The following BAZ2B variants were observed in gnomAD, a reference collection of about 807,000 sequenced individuals.
BAZ2B encodes the protein bromodomain adjacent to zinc finger domain 2B, also known as bromodomain adjacent to zinc finger domain protein 2B.
In BAZ2B, 91 loss-of-function variants were observed where a neutral mutation model predicts 246.0. That is an observed-to-expected ratio of 0.37 (90% CI 0.31 to 0.44). The LOEUF (loss-of-function observed/expected upper bound fraction) is 0.44, where lower values mean the gene tolerates loss of function less well. Among genes scored for constraint, BAZ2B ranks in the 20% least tolerant of loss-of-function variants. The pLI, the probability that BAZ2B is intolerant of heterozygous loss-of-function variation, is 1.00. For synonymous variants in BAZ2B, 855 were observed against 860.0 expected (o/e 0.99, Z 0.10); for missense variants, 2,332 against 2,533.7 (o/e 0.92, Z 1.71).
At chr2:159,695,300 A>G in the BAZ2B span, 3 of 152,000 alleles carry the variant, frequency 2.0e-5, no homozygotes, top group Admixed American at 2.0e-4. Context: ...CTCACATTCT[A>G]TGTGTTGTCT....
At chr2:159,474,962 G>A (rs957465153) in intron 3 of BAZ2B, among the ~76,000 whole-genome samples, 16 of 152,140 alleles carry the variant, frequency 1.1e-4, no homozygotes, top group African/African-American at 3.9e-4. Flanking sequence ...TGGGTAACCC[G>A]ACCTTTCTCT....
chr2:159,561,759 A>G (rs544671155), intron 1 of BAZ2B, among the ~76,000 whole-genome samples: 40 of 152,364 alleles, frequency 2.6e-4, no homozygotes, highest in Admixed American at 8.5e-4. Flanking sequence ...AACTGGAAAA[A>G]GAAAACCTCA....
upstream of BAZ2B, among the ~76,000 whole-genome samples, chr2:159,618,754 A>T (rs1278561525): frequency 1.3e-5 from 2 of 152,152 alleles, no homozygotes; most frequent in African/African-American, 4.8e-5. Flanking sequence ...TTTTGAAAAG[A>T]TAAGGAAAAA....
At chr2:159,636,226 C>T in the BAZ2B span, among the ~76,000 whole-genome samples, 1 of 152,202 alleles carries the variant, frequency 6.6e-6, no homozygotes, top group African/African-American at 2.4e-5. Context: ...TGAGCAATCA[C>T]AGTACCTGGC....
chr2:159,495,553 T>C (rs1049024658), intron 2 of BAZ2B, among the ~76,000 whole-genome samples: 6 of 147,938 alleles, frequency 4.1e-5, no homozygotes, highest in African/African-American at 1.5e-4. Context: ...TGAAAATAGA[T>C]TGCCATCTTA....
intron 27 of BAZ2B, among the ~76,000 whole-genome samples, chr2:159,370,907 G>A (rs1291623165): frequency 2.0e-5 from 3 of 151,924 alleles, no homozygotes; most frequent in African/African-American, 7.3e-5. Flanking sequence ...CTGGCTTCAA[G>A]CGATTCTCCT....
At chr2:159,361,226 A>G (rs2059655599) in intron 27 of BAZ2B, among the ~76,000 whole-genome samples, 1 of 152,248 alleles carries the variant, frequency 6.6e-6, no homozygotes, top group African/African-American at 2.4e-5. Flanking sequence ...AGTATCCAGA[A>G]TCTACAAAGA....
intron 1 of BAZ2B, among the ~76,000 whole-genome samples, chr2:159,576,531 TAAAA>T (rs71406179): frequency 1.4e-5 from 2 of 142,958 alleles, no homozygotes; most frequent in Admixed American, 6.9e-5. Context: ...ATCAAAGGTT[TAAAA>T]AAAAAAAAAA....
chr2:159,451,219 A>G (rs1314330800), intron 4 of BAZ2B, among the ~76,000 whole-genome samples: 1 of 152,226 alleles, frequency 6.6e-6, no homozygotes, highest in Non-Finnish European at 1.5e-5. Context: ...TTAAATTATC[A>G]TGAAATACTA....
At chr2:159,566,485 G>A (rs1341657397) in intron 1 of BAZ2B, among the ~76,000 whole-genome samples, 2 of 152,128 alleles carry the variant, frequency 1.3e-5, no homozygotes, top group Non-Finnish European at 2.9e-5. Context: ...TCTCCACTGC[G>A]CTTCCCCTTC....
intron 2 of BAZ2B, among the ~76,000 whole-genome samples, chr2:159,484,411 A>C (rs918970): frequency 0.13 from 19,222 of 152,192 alleles, 1,468 homozygotes; most frequent in African/African-American, 0.22. Context: ...AAATGTTTAA[A>C]CACTGATAAT....
the BAZ2B span, among the ~76,000 whole-genome samples, chr2:159,705,101 A>G: frequency 6.0e-5 from 9 of 149,774 alleles, no homozygotes; most frequent in Non-Finnish European, 1.3e-4. Flanking sequence ...GCTCACAGAA[A>G]CCTCTGCCTC....
chr2:159,537,298 T>C (rs765849564), intron 2 of BAZ2B, among the ~76,000 whole-genome samples: 3 of 152,226 alleles, frequency 2.0e-5, no homozygotes, highest in Non-Finnish European at 4.4e-5. Context: ...GCATAGACTT[T>C]TAGTTTTGAA....
intron 1 of BAZ2B, among the ~76,000 whole-genome samples, chr2:159,587,081 C>CTTTTTT (rs879641658): frequency 6.9e-6 from 1 of 144,018 alleles, no homozygotes; most frequent in African/African-American, 2.5e-5. Context: ...TCACCTGCAA[C>CTTTTTT]TTTTTTTTTT....
chr2:159,497,679 G>A (rs539447735), intron 2 of BAZ2B, among the ~76,000 whole-genome samples: 1 of 152,112 alleles, frequency 6.6e-6, no homozygotes, highest in Non-Finnish European at 1.5e-5. Flanking sequence ...AAGTATACAA[G>A]TTTAAAAAAG....
intron 2 of BAZ2B, among the ~76,000 whole-genome samples, chr2:159,540,186 T>C (rs1162863183): frequency 1.3e-5 from 2 of 152,208 alleles, no homozygotes; most frequent in Admixed American, 6.5e-5. Context: ...ACTCCATAAA[T>C]TATTTGTAGA....
intron 13 of BAZ2B, among the ~76,000 whole-genome samples, chr2:159,421,328 C>T (rs2068708920): frequency 6.6e-6 from 1 of 152,120 alleles, no homozygotes; most frequent in East Asian, 1.9e-4. Context: ...GCATGCAGCA[C>T]CATGCCCAGG....
intron 34 of BAZ2B, among the ~76,000 whole-genome samples, chr2:159,328,376 T>C (rs573023723): frequency 5.9e-5 from 9 of 152,190 alleles, no homozygotes; most frequent in Non-Finnish European, 1.2e-4. Context: ...CTTTCTAGTT[T>C]ATATATTGAT....
chr2:159,546,287 T>C (rs888677758), intron 2 of BAZ2B, among the ~76,000 whole-genome samples: 13 of 151,980 alleles, frequency 8.6e-5, no homozygotes, highest in African/African-American at 2.9e-4. Context: ...ATGAGTCTTA[T>C]GATATCTGAT....
Sources: allele counts gnomAD v4.1 joint callset (sites outside exome capture counted in the v4.1 genomes callset), GRCh38; gene constraint gnomAD v4.1.1; transcripts MANE v1.5; gene names NCBI Gene and HGNC (gene_info 2026-07-23, HGNC 2026-07-21).